TNFRSF10A: variants seen among roughly 807,000 people sequenced by gnomAD.
The protein encoded by TNFRSF10A is tumor necrosis factor receptor superfamily member 10A.
In TNFRSF10A, 44 loss-of-function variants were observed where a neutral mutation model predicts 42.8. The observed-to-expected ratio is 1.03, with a 90% confidence interval of 0.81 to 1.32. The LOEUF (loss-of-function observed/expected upper bound fraction) is 1.32, where lower values mean the gene tolerates loss of function less well. Among genes scored for constraint, TNFRSF10A ranks in the 40% most tolerant of loss-of-function variants. TNFRSF10A has a pLI of 0.00. For synonymous variants in TNFRSF10A, 259 were observed against 234.2 expected, an observed-to-expected ratio of 1.11 and a Z score of -0.97; for missense variants, 680 against 602.0, an observed-to-expected ratio of 1.13 and a Z score of -1.36.
chr8:23,216,598 C>T (rs979708259), intron 1 of TNFRSF10A, among the ~76,000 whole-genome samples: 1 of 151,964 alleles, frequency 6.6e-6, no homozygotes, highest in Non-Finnish European at 1.5e-5. Context: ...AAAAATGAGC[C>T]GGGCGTGCTG....
intron 1 of TNFRSF10A, among the ~76,000 whole-genome samples, chr8:23,215,239 G>A (rs961999219): frequency 6.6e-6 from 1 of 152,266 alleles, no homozygotes. Flanking sequence ...CAGGGGGGCC[G>A]GGCGCCGTGG....
chr8:23,213,436 C>CTTTTTTTTTTTTTTTTTT lies in TNFRSF10A; in HGVS notation c.307-1242_307-1225dup, dbSNP rs58691757. Among the ~76,000 whole-genome samples the CTTTTTTTTTTTTTTTTTT allele has an allele frequency of 2.5e-3, 173 of 68,642 alleles. 29 individuals are homozygous for CTTTTTTTTTTTTTTTTTT. The highest frequency in any genetic ancestry group is 3.4e-3 in the Non-Finnish European group (130 of 38,158). The allele number at this position is 68,642 out of a possible 152,430, so 45.0% of individuals were successfully genotyped here. ...GCTGGTTTGGGCTTAGTTTGCTCCT[C>CTTTTTTTTTTTTTTTTTT]TTTTTTTTTTTTTTTTTTTTTTTTT... On this transcript the variant is annotated intron_variant, in intron 1 of 9. Transcript: ENST00000221132.
chr8:23,190,549 A>T lies in TNFRSF10A; in HGVS notation c.*1145T>A, dbSNP rs900569349. ...AAAAAAAAGTACTTTTATATACAAA[A>T]GTCCAAATTTCCAAAGGTATATGTA... On this transcript the variant is annotated 3_prime_UTR_variant, in exon 10 of 10. Transcript: ENST00000221132. The T allele has an allele frequency of 6.6e-6, 1 of 152,258 alleles. No individual in the cohort carries two copies. The highest frequency in any genetic ancestry group is 1.5e-5 in the Non-Finnish European group (1 of 68,044). The allele number at this position is 152,258 out of a possible 1,614,324, so 9.4% of individuals were successfully genotyped here. A position where few individuals can be genotyped will look rare whatever the true frequency, so the allele number is the denominator to read the frequency against.
intron 1 of TNFRSF10A, among the ~76,000 whole-genome samples, chr8:23,223,117 G>C (rs1801280113): frequency 6.6e-6 from 1 of 152,288 alleles, no homozygotes; most frequent in African/African-American, 2.4e-5. Flanking sequence ...CCAGGCTGGA[G>C]TGCAGTGGCG....
intron 1 of TNFRSF10A, among the ~76,000 whole-genome samples, 159 bp from the exon 2 acceptor site, chr8:23,212,371 C>T (rs755950416): frequency 6.6e-6 from 1 of 152,248 alleles, no homozygotes; most frequent in Non-Finnish European, 1.5e-5. Flanking sequence ...TCATCTTTGT[C>T]TCTTTGTCCC....
At chr8:23,194,383 A>G (rs1800795231) in intron 9 of TNFRSF10A, among the ~76,000 whole-genome samples, 1 of 152,212 alleles carries the variant, frequency 6.6e-6, no homozygotes, top group Non-Finnish European at 1.5e-5. Flanking sequence ...ATTATTGGTA[A>G]AATAAGAAAA....
chr8:23,197,125 C>T lies in TNFRSF10A; in HGVS notation c.1087+7G>A, dbSNP rs75047372. On this transcript the variant is annotated splice_region_variant and intron_variant, in intron 9 of 9. Coordinates refer to ENST00000221132, the MANE Select transcript of TNFRSF10A (RefSeq NM_003844.4). ...TTCTGCTGCATCTCCAGGAGCAAAA[C>T]ACTTACTCTCAGTGGGGTCAGCACC... is the stretch of plus-strand genomic sequence containing the variant. 4.4e-4 allele frequency: 711 copies of T among 1,614,138 alleles called. 3 individuals carry two copies. In the African/African-American group the frequency reaches 8.4e-3, roughly 19 times the overall value.
In TNFRSF10A at chr8:23,199,498, C is replaced by T. The variant is rs112592640; in HGVS notation, c.832-50G>A. The T allele has an allele frequency of 4.0e-4, 641 of 1,592,420 alleles. 2 individuals are homozygous for T. In the African/African-American group the frequency reaches 7.3e-3, roughly 18 times the overall value. ...AGAAGCCCACACCCAGGGCTCCCCACGGGGTCCGTAGGGCACGGCTGGACC... is the reference window on the plus strand; with the variant it reads ...AGAAGCCCACACCCAGGGCTCCCCATGGGGTCCGTAGGGCACGGCTGGACC... On this transcript the variant is annotated intron_variant, in intron 7 of 9. Transcript: ENST00000221132.
chr8:23,204,121 C>A (rs1020792197), intron 2 of TNFRSF10A, among the ~76,000 whole-genome samples: 1 of 151,864 alleles, frequency 6.6e-6, no homozygotes, highest in Non-Finnish European at 1.5e-5. Flanking sequence ...ATGACACTAT[C>A]GATGATAAAA....
At chr8:23,193,535 C>T (rs1263486930) in intron 9 of TNFRSF10A, among the ~76,000 whole-genome samples, 3 of 152,204 alleles carry the variant, frequency 2.0e-5, no homozygotes, top group Non-Finnish European at 2.9e-5. Flanking sequence ...GGGAAGCACT[C>T]TGCCTTTCAG....
At chr8:23,214,527 T>A (rs370284550) in intron 1 of TNFRSF10A, among the ~76,000 whole-genome samples, 1 of 152,020 alleles carries the variant, frequency 6.6e-6, no homozygotes, top group East Asian at 1.9e-4. Flanking sequence ...AATTTTCACA[T>A]ATTTGTGGAT....
At chr8:23,205,095 A>C (rs1309291300) in intron 2 of TNFRSF10A, among the ~76,000 whole-genome samples, 1 of 152,162 alleles carries the variant, frequency 6.6e-6, no homozygotes, top group African/African-American at 2.4e-5. Context: ...AATGAGACGG[A>C]GAACAGAAAA....
At chr8:23,216,313 A>G (rs994410756) in intron 1 of TNFRSF10A, among the ~76,000 whole-genome samples, 1 of 152,116 alleles carries the variant, frequency 6.6e-6, no homozygotes, top group Non-Finnish European at 1.5e-5. Flanking sequence ...TGATTTTGAT[A>G]CCATTCTTCT....
intron 2 of TNFRSF10A, among the ~76,000 whole-genome samples, chr8:23,205,624 A>C (rs1052319451): frequency 3.3e-5 from 5 of 151,876 alleles, no homozygotes; most frequent in Non-Finnish European, 1.5e-5. Flanking sequence ...GCCCCTGAAG[A>C]TCCTCCAACG....
chr8:23,198,186 G>C, intron 8 of TNFRSF10A, among the ~76,000 whole-genome samples: 1 of 151,966 alleles, frequency 6.6e-6, no homozygotes, highest in East Asian at 1.9e-4. Flanking sequence ...CAGCTCAAAG[G>C]GGTTGGAAAA....
chr8:23,206,389 A>G (rs1585283591), intron 2 of TNFRSF10A, among the ~76,000 whole-genome samples: 1 of 152,206 alleles, frequency 6.6e-6, no homozygotes, highest in African/African-American at 2.4e-5. Flanking sequence ...AGCTCCATTC[A>G]TGGTAAGTGC....
chr8:23,197,201 G>C lies in TNFRSF10A; in HGVS notation c.1018C>G (p.Pro340Ala), dbSNP rs761455585. Residue 340 changes from proline (P) to alanine (A), a missense_variant, in exon 9 of 10, where the codon CCG becomes GCG. Coordinates refer to ENST00000221132, the MANE Select transcript of TNFRSF10A (RefSeq NM_003844.4). ...SPGEAQCLLG[P>A]AEAEGSQRRR... ...CTCTGAGACCCTTCAGCTTCTGCCG[G>C]TCCCTGTAACACACAGTGGGGAATG... The C allele has an allele frequency of 1.6e-5, 26 of 1,613,972 alleles. No homozygotes were observed.
chr8:23,213,470 CAG>C (rs1801122674), intron 1 of TNFRSF10A, among the ~76,000 whole-genome samples: 1 of 53,272 alleles, frequency 1.9e-5, no homozygotes, highest in South Asian at 7.3e-4. Context: ...TTTTTTGAGA[CAG>C]AGTCTCGCTC....
intron 2 of TNFRSF10A, among the ~76,000 whole-genome samples, chr8:23,206,585 A>G (rs1801015930): frequency 6.6e-6 from 1 of 152,262 alleles, no homozygotes; most frequent in Non-Finnish European, 1.5e-5. Flanking sequence ...TATATCATCT[A>G]GGTTTGTGGA....
Sources: allele counts gnomAD v4.1 joint callset (sites outside exome capture counted in the v4.1 genomes callset), GRCh38; gene constraint gnomAD v4.1.1; transcripts MANE v1.5; gene names NCBI Gene and HGNC (gene_info 2026-07-23, HGNC 2026-07-21).